NEUROD1: variants seen among roughly 807,000 people sequenced by gnomAD.
The protein encoded by NEUROD1 is neuronal differentiation 1, also known as neurogenic differentiation factor 1.
In NEUROD1, 9 loss-of-function variants were observed where a neutral mutation model predicts 21.8. The ratio of observed to expected loss-of-function variants is 0.41; its 90% confidence interval spans 0.25 to 0.72. NEUROD1 has a LOEUF of 0.72. Ranked by LOEUF, NEUROD1 falls within the 30% of genes least tolerant of loss-of-function variation. The pLI, the probability that NEUROD1 is intolerant of heterozygous loss-of-function variation, is 0.31. For synonymous variants in NEUROD1, 199 were observed against 186.2 expected, an observed-to-expected ratio of 1.07 and a Z score of -0.56; for missense variants, 434 against 468.8, an observed-to-expected ratio of 0.93 and a Z score of 0.69.
At chr2:181,679,010 C>A in intron 1 of NEUROD1, 139 bp from the exon 2 acceptor site, 2 of 1,036,922 alleles carry the variant, frequency 1.9e-6, no homozygotes, top group Admixed American at 4.7e-5. Flanking sequence ...AAAATGAATG[C>A]CTCTGAGAAA....
downstream of NEUROD1, among the ~76,000 whole-genome samples, chr2:181,672,122 A>G (rs1400941179): frequency 6.6e-6 from 1 of 152,232 alleles, no homozygotes; most frequent in Non-Finnish European, 1.5e-5. Flanking sequence ...AAAGCCTATA[A>G]TAGTTTTTCT....
chr2:181,672,070 A>G (rs986933581), downstream of NEUROD1, among the ~76,000 whole-genome samples: 4 of 152,240 alleles, frequency 2.6e-5, no homozygotes, highest in Non-Finnish European at 5.9e-5. Context: ...AATAATGAAC[A>G]GAAAGGAAAA....
Position 181,678,388 on chromosome 2 carries a change from C to G in NEUROD1, c.473G>C (p.Arg158Pro). The G allele has an allele frequency of 1.2e-6, 2 of 1,614,180 alleles. No individual in the cohort carries two copies. The highest frequency in any genetic ancestry group is 1.7e-6 in the Non-Finnish European group (2 of 1,180,044). ...GACCAGGTCTGGGCTTTTGCCTGAG[C>G]GCAGGATCTCCGACAGAGCCCAGAT... is the stretch of plus-strand genomic sequence containing the variant. ...NYIWALSEIL[R>P]SGKSPDLVSF... The change falls in exon 2 of 2, where the codon CGC becomes CCC. Residue 158 changes from arginine to proline, a missense_variant. By Grantham distance (103) the Arg-to-Pro change is moderately radical. Coordinates refer to ENST00000295108, the MANE Select transcript of NEUROD1 (RefSeq NM_002500.5). The surrounding 1 kb of genome is among the most constrained non-coding windows in gnomAD (Gnocchi z 5.5).
chr2:181,674,935 T>C (rs914477450), downstream of NEUROD1, among the ~76,000 whole-genome samples: 1 of 152,254 alleles, frequency 6.6e-6, no homozygotes, highest in Admixed American at 6.5e-5. Context: ...TTCTCTTCAC[T>C]ACAGCAACAG....
chr2:181,669,118 A>G (rs945148145), downstream of NEUROD1, among the ~76,000 whole-genome samples: 13 of 152,022 alleles, frequency 8.6e-5, no homozygotes, highest in Non-Finnish European at 1.5e-4. Flanking sequence ...ACCTTCCTCA[A>G]TTTCGTCTTC....
rs1688600454 is a variant in NEUROD1 at position 181,677,460 on chromosome 2, T to G, written c.*330A>C. On this transcript the variant is annotated 3_prime_UTR_variant, in exon 2 of 2. Transcript: ENST00000295108. ...ACTAGTTTAAAAATTGCATAGATCC[T>G]AATTATTGCTTGTGATTTTGTTATC... 4.3e-6 allele frequency: 1 copy of G among 232,444 alleles called. No homozygotes were observed. Among genetic ancestry groups the G allele is most frequent in the Non-Finnish European group, 8.6e-6 (1 of 116,776 alleles). The allele number at this position is 232,444 out of a possible 1,614,324, so 14.4% of individuals were successfully genotyped here.
At chr2:181,671,513 T>A (rs983050920), downstream of NEUROD1, among the ~76,000 whole-genome samples, 1 of 152,008 alleles carries the variant, frequency 6.6e-6, no homozygotes, top group Admixed American at 6.6e-5. Context: ...CACTGCAGCC[T>A]TGACCTCCCC....
At chr2:181,672,964 A>G (rs147287077), downstream of NEUROD1, 2 of 152,326 alleles carry the variant, frequency 1.3e-5, no homozygotes, top group African/African-American at 4.8e-5. Context: ...AACTTACTCT[A>G]TCTCTCCATA....
At chr2:181,669,422 C>T (rs146075252), downstream of NEUROD1, among the ~76,000 whole-genome samples, 1 of 152,274 alleles carries the variant, frequency 6.6e-6, no homozygotes, top group African/African-American at 2.4e-5. Context: ...TAATTCTCCC[C>T]TCCAAGTACT....
downstream of NEUROD1, among the ~76,000 whole-genome samples, chr2:181,676,088 T>C (rs1298986373): frequency 6.6e-6 from 1 of 152,182 alleles, no homozygotes; most frequent in Non-Finnish European, 1.5e-5. Context: ...TACTTGTTTA[T>C]GTCTTGCTTG....
chr2:181,671,895 G>A (rs905210884), downstream of NEUROD1, among the ~76,000 whole-genome samples: 5 of 152,130 alleles, frequency 3.3e-5, no homozygotes, highest in Non-Finnish European at 4.4e-5. Context: ...CTTCATTGAC[G>A]TCACCAAAAG....
chr2:181,678,918 G>C lies in NEUROD1; in HGVS notation c.-11-47C>G. The C allele has an allele frequency of 6.2e-7, 1 of 1,606,404 alleles. No homozygotes were observed. Among genetic ancestry groups the C allele is most frequent in the East Asian group, 2.2e-5 (1 of 44,884 alleles). ...CAAACAGAAAGAAAAGCAGAAAAAC[G>C]CTATATTCAAAAGCCAGATACGCCT... On this transcript the variant is annotated intron_variant, in intron 1 of 1. Transcript: ENST00000295108. This position sits in a 1 kb window ranked among gnomAD's most constrained non-coding sequence, Gnocchi z 5.5.
At chr2:181,670,991 G>C (rs941561945) in exon 2 of NEUROD1, among the ~76,000 whole-genome samples, 4 of 150,948 alleles carry the variant, frequency 2.6e-5, no homozygotes, top group Non-Finnish European at 5.9e-5. Context: ...GGCAAGGGAA[G>C]GGGATACTAC....
intron 1 of NEUROD1, among the ~76,000 whole-genome samples, chr2:181,679,499 A>G (rs1688658662): frequency 6.6e-6 from 1 of 152,218 alleles, no homozygotes; most frequent in Non-Finnish European, 1.5e-5. Context: ...AAAAGTGGAC[A>G]GGGTCTTCCA....
chr2:181,680,100 G>A (rs1688669263), intron 1 of NEUROD1, among the ~76,000 whole-genome samples: 1 of 152,082 alleles, frequency 6.6e-6, no homozygotes, highest in Non-Finnish European at 1.5e-5. Flanking sequence ...TAAGAAGTGA[G>A]AAAGTGAAGT....
chr2:181,678,461 T>C lies in NEUROD1; in HGVS notation c.400A>G (p.Thr134Ala). 2 of 1,614,218 alleles carry C rather than the reference T, an allele frequency of 1.2e-6. No homozygotes were observed. Among genetic ancestry groups the C allele is most frequent in the Non-Finnish European group, 1.7e-6 (2 of 1,180,034 alleles). ...GTCTCGATTTTGGACAGCTTCTGCGTCTTAGAATAGCAAGGCACCACCTTG... is the reference window on the plus strand; with the variant it reads ...GTCTCGATTTTGGACAGCTTCTGCGCCTTAGAATAGCAAGGCACCACCTTG... The part of the protein sequence containing the change: ...LRKVVPCYSK[T>A]QKLSKIETLR... Residue 134 changes from threonine to alanine, a missense_variant, in exon 2 of 2, where the codon ACG becomes GCG. Transcript: ENST00000295108. This position sits in a 1 kb window ranked among gnomAD's most constrained non-coding sequence, Gnocchi z 5.5.
downstream of NEUROD1, among the ~76,000 whole-genome samples, chr2:181,675,679 A>G (rs1057460693): frequency 1.3e-5 from 2 of 152,050 alleles, no homozygotes; most frequent in Non-Finnish European, 2.9e-5. Context: ...GGACTTAACA[A>G]TAGACAGAAT....
At chr2:181,671,938 G>C (rs1367041850), downstream of NEUROD1, among the ~76,000 whole-genome samples, 1 of 152,074 alleles carries the variant, frequency 6.6e-6, no homozygotes, top group Non-Finnish European at 1.5e-5. Flanking sequence ...ACCATTGAGC[G>C]CGAACACTAA....
downstream of NEUROD1, among the ~76,000 whole-genome samples, chr2:181,675,499 A>T (rs1423173049): frequency 6.6e-6 from 1 of 152,226 alleles, no homozygotes; most frequent in Non-Finnish European, 1.5e-5. Context: ...TAGTCATCCA[A>T]TGTGGCACCC....
Sources: allele counts gnomAD v4.1 joint callset (sites outside exome capture counted in the v4.1 genomes callset), GRCh38; gene constraint gnomAD v4.1.1; non-coding constraint Gnocchi (gnomAD v3.1); transcripts MANE v1.5; gene names NCBI Gene and HGNC (gene_info 2026-07-23, HGNC 2026-07-21).